The following PPP1R16B variants were observed in gnomAD, a reference collection of about 807,000 sequenced individuals.
PPP1R16B encodes protein phosphatase 1 regulatory subunit 16B.
PPP1R16B carries 14 observed loss-of-function variants against 61.7 expected under a neutral mutation model. That is an observed-to-expected ratio of 0.23 (90% CI 0.15 to 0.35). The LOEUF (loss-of-function observed/expected upper bound fraction) is 0.35. Ranked by LOEUF, PPP1R16B falls within the 10% of genes least tolerant of loss-of-function variation. PPP1R16B has a pLI of 1.00. For synonymous variants in PPP1R16B, 266 were observed against 305.3 expected (o/e 0.87, Z 1.34); for missense variants, 547 against 752.5 (o/e 0.73, Z 3.19).
At chr20:38,863,339 T>A (rs1342872554) in intron 2 of PPP1R16B, among the ~76,000 whole-genome samples, 1 of 152,168 alleles carries the variant, frequency 6.6e-6, no homozygotes, top group Non-Finnish European at 1.5e-5. Flanking sequence ...GTGTCATGCC[T>A]CTGTGACTCA....
At chr20:38,886,345 G>A (rs533722201) in intron 2 of PPP1R16B, among the ~76,000 whole-genome samples, 2 of 152,226 alleles carry the variant, frequency 1.3e-5, no homozygotes, top group African/African-American at 4.8e-5. Flanking sequence ...TTCCTCCACC[G>A]CATGGAGAAC....
intron 5 of PPP1R16B, among the ~76,000 whole-genome samples, chr20:38,900,890 GA>G (rs1429342016): frequency 2.0e-5 from 3 of 152,268 alleles, no homozygotes; most frequent in Non-Finnish European, 4.4e-5. Flanking sequence ...ATGCTGCGCA[GA>G]AGGGAGGTAT....
chr20:38,848,539 A>T (rs754019422), intron 2 of PPP1R16B, among the ~76,000 whole-genome samples: 1 of 152,088 alleles, frequency 6.6e-6, no homozygotes, highest in Non-Finnish European at 1.5e-5. Flanking sequence ...GTTTTTCCTC[A>T]GATTACTCTT....
chr20:38,888,899 A>ACG (rs2085268334), intron 2 of PPP1R16B, among the ~76,000 whole-genome samples: 1 of 150,694 alleles, frequency 6.6e-6, no homozygotes, highest in South Asian at 2.1e-4. Context: ...ACACACACAC[A>ACG]CACACACACA....
intron 10 of PPP1R16B, among the ~76,000 whole-genome samples, chr20:38,917,703 GATGC>G (rs1256617280): frequency 2.0e-5 from 3 of 152,148 alleles, no homozygotes; most frequent in East Asian, 3.9e-4. Context: ...GGGTCATCAG[GATGC>G]AGTCTCTCTT....
chr20:38,900,543 A>G (rs2085383677), intron 4 of PPP1R16B, 38 bp from the exon 5 acceptor site: 5 of 1,559,282 alleles, frequency 3.2e-6, no homozygotes, highest in Non-Finnish European at 4.4e-6. Flanking sequence ...AACCCTAGCC[A>G]CACCTACTTG....
chr20:38,918,529 G>C lies in PPP1R16B; in HGVS notation c.1567G>C (p.Gly523Arg), dbSNP rs752778589. 6.3e-7 allele frequency: 1 copy of C among 1,592,042 alleles called. No homozygotes were observed. Among genetic ancestry groups the C allele is most frequent in the Non-Finnish European group, 8.6e-7 (1 of 1,167,060 alleles). The change falls in exon 11 of 11, where the codon GGC becomes CGC. Residue 523 changes from glycine to arginine, a missense_variant. Transcript: ENST00000299824. This position sits in a 1 kb window ranked among gnomAD's most constrained non-coding sequence, Gnocchi z 5.3. ...SSEGKAPLIG[G>R]RTSPYSSNGT... ...TGAAGGCAAGGCCCCCTTGATCGGAGGCAGAACTTCACCGTACAGCAGCAA... is the reference window on the plus strand; with the variant it reads ...TGAAGGCAAGGCCCCCTTGATCGGACGCAGAACTTCACCGTACAGCAGCAA...
chr20:38,877,058 A>C lies in PPP1R16B; in HGVS notation c.251-12537A>C, dbSNP rs2085172801. 2.6e-5 allele frequency among the ~76,000 whole-genome samples: 4 copies of C among 152,072 alleles called. No homozygotes were observed. In the South Asian group the frequency reaches 6.2e-4, roughly 24 times the overall value. ...TATATATCAAGCATTTTCCCATGTC[A>C]TTAGAAATTCCTCAAAGATACCAGC... On this transcript the variant is annotated intron_variant, in intron 2 of 10. Coordinates refer to ENST00000299824, the MANE Select transcript of PPP1R16B (RefSeq NM_015568.4).
chr20:38,870,824 G>C (rs1030511456), intron 2 of PPP1R16B, among the ~76,000 whole-genome samples: 2 of 152,176 alleles, frequency 1.3e-5, no homozygotes, highest in African/African-American at 4.8e-5. Flanking sequence ...GCTCATTCTA[G>C]TGTCTTGCAG....
chr20:38,885,423 G>A (rs916602974), intron 2 of PPP1R16B, among the ~76,000 whole-genome samples: 2 of 152,202 alleles, frequency 1.3e-5, no homozygotes, highest in Admixed American at 6.5e-5. Context: ...GATACATAGA[G>A]AGTTCCAGAA....
chr20:38,807,557 C>G (rs1049696456), intron 1 of PPP1R16B, among the ~76,000 whole-genome samples: 1 of 152,108 alleles, frequency 6.6e-6, no homozygotes, highest in Non-Finnish European at 1.5e-5. Flanking sequence ...TGCAGGAGGC[C>G]GGTGGGGGCC....
chr20:38,836,255 G>A (rs184820133), intron 2 of PPP1R16B, 80 bp downstream of exon 2: 29 of 1,532,730 alleles, frequency 1.9e-5, no homozygotes, highest in Non-Finnish European at 2.4e-5. Flanking sequence ...CTGTGCAGTA[G>A]ACGTGTGGGC....
At chr20:38,913,136 G>C (rs2085505873) in intron 10 of PPP1R16B, among the ~76,000 whole-genome samples, 1 of 152,162 alleles carries the variant, frequency 6.6e-6, no homozygotes, top group Non-Finnish European at 1.5e-5. Flanking sequence ...TTCCCAGAGT[G>C]CTGGGATTAC....
At chr20:38,862,420 G>A (rs533304017) in intron 2 of PPP1R16B, among the ~76,000 whole-genome samples, 18 of 152,290 alleles carry the variant, frequency 1.2e-4, no homozygotes, top group Admixed American at 9.2e-4. Context: ...TCACAGCTCC[G>A]AGTGCTCAAG....
At chr20:38,825,420 G>C (rs1181317021) in intron 1 of PPP1R16B, among the ~76,000 whole-genome samples, 1 of 152,222 alleles carries the variant, frequency 6.6e-6, no homozygotes, top group Admixed American at 6.5e-5. Flanking sequence ...TTGTATTAGT[G>C]ATCAGGGAGA....
chr20:38,916,418 T>C (rs901429848), intron 10 of PPP1R16B, among the ~76,000 whole-genome samples: 1 of 148,872 alleles, frequency 6.7e-6, no homozygotes, highest in African/African-American at 2.4e-5. Context: ...TATATAAATA[T>C]ATGTTAGAAA....
chr20:38,893,090 G>T (rs189122030), intron 3 of PPP1R16B, among the ~76,000 whole-genome samples: 2 of 152,114 alleles, frequency 1.3e-5, no homozygotes, highest in African/African-American at 4.8e-5. Context: ...CCATTTCCCC[G>T]TCTGTAAAAA....
rs191079586 is a variant in PPP1R16B, at chr20:38,839,156, G to C, written c.250+2981G>C. On this transcript the variant is annotated intron_variant, in intron 2 of 10. Coordinates refer to ENST00000299824, the MANE Select transcript of PPP1R16B (RefSeq NM_015568.4). ...TTGGCCAGGCTGGTCTCAAACTCCT[G>C]ACCTCAAAGTGATCCGCCCACCTTG... 2.6e-5 allele frequency among the ~76,000 whole-genome samples: 4 copies of C among 152,258 alleles called. No homozygotes were observed. The East Asian group carries it at 7.7e-4, about 29-fold the overall frequency.
At chr20:38,827,039 C>T (rs2084809323) in intron 1 of PPP1R16B, among the ~76,000 whole-genome samples, 2 of 152,134 alleles carry the variant, frequency 1.3e-5, no homozygotes, top group South Asian at 4.2e-4. Context: ...AGCCTCAAAC[C>T]CCTGGGCTCA....
Sources: allele counts gnomAD v4.1 joint callset (sites outside exome capture counted in the v4.1 genomes callset), GRCh38; gene constraint gnomAD v4.1.1; non-coding constraint Gnocchi (gnomAD v3.1); transcripts MANE v1.5; gene names NCBI Gene and HGNC (gene_info 2026-07-23, HGNC 2026-07-21).